The following TACC2 variants were observed in gnomAD, a reference collection of about 807,000 sequenced individuals.
The protein encoded by TACC2 is transforming acidic coiled-coil-containing protein 2.
A neutral mutation model predicts 227.3 loss-of-function variants in TACC2; 137 were observed. The ratio of observed to expected loss-of-function variants is 0.60; its 90% confidence interval spans 0.52 to 0.69. The LOEUF is 0.69. Among genes scored for constraint, TACC2 ranks in the 30% least tolerant of loss-of-function variants. TACC2 has a pLI of 0.00. For missense variants in TACC2, 3,470 were observed against 3,694.4 expected, an observed-to-expected ratio of 0.94 and a Z score of 1.57; for synonymous variants, 1,523 against 1,487.5, an observed-to-expected ratio of 1.02 and a Z score of -0.55.
At chr10:122,049,963 G>A (rs149509123) in intron 2 of TACC2, among the ~76,000 whole-genome samples, 10 of 152,248 alleles carry the variant, frequency 6.6e-5, no homozygotes, top group South Asian at 2.1e-4. Context: ...ATTTCTAAGC[G>A]TTCATGGTTT....
chr10:122,173,815 G>A (rs1295876429), intron 7 of TACC2, among the ~76,000 whole-genome samples: 1 of 152,226 alleles, frequency 6.6e-6, no homozygotes. Context: ...GAAGAGCATG[G>A]CTGAGCCTGC....
intron 1 of TACC2, among the ~76,000 whole-genome samples, chr10:122,002,322 G>T (rs1295572980): frequency 6.6e-6 from 1 of 152,116 alleles, no homozygotes; most frequent in African/African-American, 2.4e-5. Context: ...ATAACATTCA[G>T]TCTATAGCAG....
chr10:122,077,831 A>T lies in TACC2; in HGVS notation c.147-4816A>T, dbSNP rs11200382. On this transcript the variant is annotated intron_variant, in intron 3 of 22. Coordinates refer to ENST00000369005, the MANE Select transcript of TACC2 (RefSeq NM_206862.4). ...GTCCTGTCTTGAACTTCTTCGGGAA[A>T]ATGTCCTTGTGTGTACAATGGGGCC... 1.0e-3 allele frequency among the ~76,000 whole-genome samples: 154 copies of T among 152,174 alleles called. 6 individuals carry two copies. In the East Asian group the frequency reaches 0.028, roughly 28 times the overall value.
At chr10:122,034,156 A>C (rs80256993) in intron 2 of TACC2, among the ~76,000 whole-genome samples, 1 of 135,060 alleles carries the variant, frequency 7.4e-6, no homozygotes, top group African/African-American at 2.8e-5. Context: ...TGTCTCAAAA[A>C]AAAAAAAAAA....
chr10:122,131,840 G>A (rs1184555215), intron 5 of TACC2, among the ~76,000 whole-genome samples: 2 of 151,692 alleles, frequency 1.3e-5, no homozygotes, highest in Admixed American at 6.6e-5. Context: ...TGGCCAACAT[G>A]ATGAAACCCC....
intron 7 of TACC2, among the ~76,000 whole-genome samples, chr10:122,189,672 A>C (rs1347853399): frequency 6.6e-6 from 1 of 152,246 alleles, no homozygotes; most frequent in East Asian, 1.9e-4. Flanking sequence ...CGAATATGGA[A>C]GTATCCTCTT....
At chr10:122,191,227 C>T (rs959490999) in intron 7 of TACC2, among the ~76,000 whole-genome samples, 1 of 152,082 alleles carries the variant, frequency 6.6e-6, no homozygotes, top group African/African-American at 2.4e-5. Context: ...AGCGATCCTC[C>T]TGAGTCTGCC....
intron 7 of TACC2, among the ~76,000 whole-genome samples, chr10:122,154,702 AG>A (rs1415812982): frequency 1.3e-5 from 2 of 152,244 alleles, no homozygotes; most frequent in African/African-American, 4.8e-5. Flanking sequence ...GGCCACAGTT[AG>A]GCAGGGTGTA....
chr10:122,042,926 C>T (rs972212662), intron 2 of TACC2, among the ~76,000 whole-genome samples: 1 of 152,174 alleles, frequency 6.6e-6, no homozygotes, highest in African/African-American at 2.4e-5. Flanking sequence ...ATCAAGTAAA[C>T]ATCACAGCAT....
intron 11 of TACC2, 97 bp from the exon 12 acceptor site, chr10:122,224,629 C>T: frequency 9.5e-7 from 1 of 1,054,642 alleles, no homozygotes; most frequent in South Asian, 1.4e-5. Context: ...CTTGTGATAG[C>T]TCCCACCCTG....
At chr10:122,001,978 C>T (rs1479758418) in intron 1 of TACC2, among the ~76,000 whole-genome samples, 1 of 152,174 alleles carries the variant, frequency 6.6e-6, no homozygotes, top group African/African-American at 2.4e-5. Context: ...AGGTCATTGT[C>T]TTATTCAGCC....
chr10:122,072,957 C>T (rs2078261013), intron 3 of TACC2, among the ~76,000 whole-genome samples: 1 of 151,210 alleles, frequency 6.6e-6, no homozygotes, highest in Non-Finnish European at 1.5e-5. Context: ...ACTAAAAATA[C>T]AAAAAATTAG....
At position 122,194,956 on chromosome 10, in the gene TACC2, T is replaced by G. The variant is rs557241107; in HGVS notation, c.5835-84T>G. The G allele has an allele frequency of 4.9e-6, 7 of 1,434,582 alleles. No individual in the cohort carries two copies. Among genetic ancestry groups the G allele is most frequent in the Non-Finnish European group, 6.7e-6 (7 of 1,049,908 alleles). 88.9% of individuals were successfully genotyped at this position (1,434,582 alleles called of 1,614,324 possible). A position where few individuals can be genotyped will look rare whatever the true frequency, so the allele number is the denominator to read the frequency against. ...AACTGAGCAGCGAGCCAGAACCCAC[T>G]GGCTCTGGGTGCGAAGGCCACACCG... On this transcript the variant is annotated intron_variant, in intron 7 of 22. Coordinates refer to ENST00000369005, the MANE Select transcript of TACC2 (RefSeq NM_206862.4). The surrounding 1 kb of genome is among the most constrained non-coding windows in gnomAD (Gnocchi z 4.4).
intron 7 of TACC2, among the ~76,000 whole-genome samples, chr10:122,144,771 C>T (rs1208745099): frequency 6.6e-6 from 1 of 152,222 alleles, no homozygotes; most frequent in African/African-American, 2.4e-5. Context: ...GACCATTAAA[C>T]TCTTCTCTGT....
intron 1 of TACC2, among the ~76,000 whole-genome samples, chr10:121,998,953 G>A (rs1465992470): frequency 6.6e-6 from 1 of 151,838 alleles, no homozygotes; most frequent in Non-Finnish European, 1.5e-5. Flanking sequence ...TCAGTTACAT[G>A]TGAAAGGACC....
chr10:122,069,062 T>TTTG (rs374481373), intron 3 of TACC2, among the ~76,000 whole-genome samples: 1 of 151,864 alleles, frequency 6.6e-6, no homozygotes, highest in African/African-American at 2.4e-5. Flanking sequence ...CGATCAGTCC[T>TTTG]CCCCTCTCTA....
intron 2 of TACC2, among the ~76,000 whole-genome samples, chr10:122,033,879 C>T (rs5013487): frequency 1.1e-4 from 16 of 152,036 alleles, no homozygotes; most frequent in African/African-American, 3.6e-4. Context: ...GGGCCAAGTG[C>T]GGGGGCTCAT....
chr10:122,161,920 A>C (rs958342197), intron 7 of TACC2, among the ~76,000 whole-genome samples: 5 of 152,156 alleles, frequency 3.3e-5, no homozygotes, highest in African/African-American at 1.2e-4. Context: ...CTGTTTTCTG[A>C]CAGAGAAACA....
intron 5 of TACC2, among the ~76,000 whole-genome samples, chr10:122,100,086 G>A (rs1021911653): frequency 1.8e-4 from 28 of 152,176 alleles, no homozygotes; most frequent in Admixed American, 1.6e-3. Context: ...CCAACAAGGC[G>A]AAACTCCGTC....
Sources: gnomAD v4.1 joint callset for allele counts (sites outside exome capture counted in the v4.1 genomes callset) on GRCh38, gnomAD v4.1.1 for gene constraint, Gnocchi (gnomAD v3.1) non-coding constraint, MANE v1.5 for transcripts, NCBI Gene and HGNC (gene_info 2026-07-23, HGNC 2026-07-21) for gene names.